The following TRPM1 variants were observed in gnomAD, a reference collection of about 807,000 sequenced individuals.
TRPM1 encodes transient receptor potential cation channel subfamily M member 1, also known as TRPM1-203 APA Isoform, Intron 10.
Under a neutral mutation model 149.4 loss-of-function variants are expected in TRPM1, and 113 were observed. The ratio of observed to expected loss-of-function variants is 0.76; its 90% CI spans 0.65 to 0.88. TRPM1 has a LOEUF of 0.88. Among genes scored for constraint, TRPM1 ranks in the 40% least tolerant of loss-of-function variants. The pLI is 0.00. For missense variants in TRPM1, 1,976 were observed against 2,038.7 expected, an observed-to-expected ratio of 0.97 and a Z score of 0.59; for synonymous variants, 741 against 759.5, an observed-to-expected ratio of 0.98 and a Z score of 0.40.
At chr15:31,028,610 A>G (rs1428477739) in intron 24 of TRPM1, 134 bp from the exon 25 acceptor site, 47 of 1,167,096 alleles carry the variant, frequency 4.0e-5, no homozygotes, top group Non-Finnish European at 5.2e-5. Flanking sequence ...TATTTTTTCC[A>G]TGGGAAAAAA....
chr15:31,098,120 A>G (rs1398234747), intron 1 of TRPM1, among the ~76,000 whole-genome samples: 1 of 152,268 alleles, frequency 6.6e-6, no homozygotes, highest in East Asian at 1.9e-4. Flanking sequence ...TGCTATTTCT[A>G]TTAGGCAGCA....
Position 31,047,470 on chromosome 15 carries a change from A to G in TRPM1, c.1624-219T>C, listed in dbSNP as rs3743234. Among the ~76,000 whole-genome samples the G allele has an allele frequency of 0.48, 73,230 of 152,084 alleles. 19,659 individuals are homozygous for G. Among genetic ancestry groups the G allele is most frequent in the East Asian group, 0.94 (4,877 of 5,174 alleles). ...AAGAACAGCAGCTGCAATCAACAGG[A>G]CACAGAATGACTTGAGGAACCTCCT... On this transcript the variant is annotated intron_variant, in intron 14 of 27. Transcript: ENST00000256552.
rs1455315650 is a variant in TRPM1 at position 31,026,240 on chromosome 15, C to G, written c.3528G>C (p.Arg1176Ser). The change falls in exon 27 of 28, where the codon AGG (arginine) becomes AGC (serine). Residue 1176 changes from arginine to serine, a missense_variant. Coordinates refer to ENST00000256552, the MANE Select transcript of TRPM1 (RefSeq NM_001252024.2). ...KLFLSDEELK[R>S]LHEFEEQCVQ... ...CGCACTGCTCCTCGAACTCATGCAG[C>G]CTCTTTAGCTCCTCGTCGCTAAGGA... 2 of 1,612,090 alleles carry G rather than the reference C, an allele frequency of 1.2e-6. No individual in the cohort carries two copies. Among genetic ancestry groups the G allele is most frequent in the Non-Finnish European group, 1.7e-6 (2 of 1,180,024 alleles).
At chr15:31,080,771 CTT>C (rs1460355823) in intron 2 of TRPM1, among the ~76,000 whole-genome samples, 2 of 151,226 alleles carry the variant, frequency 1.3e-5, no homozygotes, top group Admixed American at 6.6e-5. Context: ...CTTTCCCACA[CTT>C]TCCCTGGCAG....
At chr15:31,059,015 A>G (rs564017943) in intron 11 of TRPM1, among the ~76,000 whole-genome samples, 1 of 152,304 alleles carries the variant, frequency 6.6e-6, no homozygotes, top group South Asian at 2.1e-4. Flanking sequence ...TCCGGGATGC[A>G]GAGGCTGTAG....
chr15:31,063,942 GCTGTCCTAGC>G (rs1393835719), intron 7 of TRPM1, among the ~76,000 whole-genome samples: 3 of 152,036 alleles, frequency 2.0e-5, no homozygotes, highest in Admixed American at 6.5e-5. Context: ...TATCCCCCTG[GCTGTCCTAGC>G]CTATGGTCTG....
chr15:31,052,541 G>A (rs745803803), intron 11 of TRPM1, among the ~76,000 whole-genome samples: 43 of 152,258 alleles, frequency 2.8e-4, no homozygotes, highest in African/African-American at 4.8e-4. Flanking sequence ...TTGGGAGGCC[G>A]AGGCAGATGG....
At chr15:31,093,079 G>C (rs1218167948) in intron 1 of TRPM1, among the ~76,000 whole-genome samples, 2 of 152,046 alleles carry the variant, frequency 1.3e-5, no homozygotes, top group Non-Finnish European at 2.9e-5. Flanking sequence ...TGGCCAACAT[G>C]GTGAAACCCT....
chr15:31,122,546 A>T (rs941761310), intron 1 of TRPM1, among the ~76,000 whole-genome samples: 1 of 152,214 alleles, frequency 6.6e-6, no homozygotes, highest in East Asian at 1.9e-4. Flanking sequence ...AGATATGAAC[A>T]ACTGGAATTT....
intron 8 of TRPM1, 133 bp from the exon 9 acceptor site, chr15:31,062,835 C>T: frequency 9.2e-7 from 1 of 1,086,070 alleles, no homozygotes; most frequent in Non-Finnish European, 1.4e-6. Context: ...AAAAAGTAAC[C>T]ATAGTCAAAC....
Position 31,002,055 on chromosome 15 carries a change from C to G in TRPM1, c.4645G>C (p.Asp1549His), listed in dbSNP as rs117105175. The change falls in exon 28 of 28, where the codon GAC becomes CAC. Residue 1549 changes from aspartate (D) to histidine (H), a missense_variant. This residue lies in a region of TRPM1 where 572 missense variants were observed against 578.9 expected (regional missense o/e 0.99). Coordinates refer to ENST00000256552, the MANE Select transcript of TRPM1 (RefSeq NM_001252024.2). ...RIPRLSLTIT[D>H]RNGMENLLSV... ...AGTAAGTTTTCCATCCCATTTCTGTCAGTAATGGTTAGGGACAAGCGAGGG... is the reference window on the plus strand; with the variant it reads ...AGTAAGTTTTCCATCCCATTTCTGTGAGTAATGGTTAGGGACAAGCGAGGG... 2.7e-4 allele frequency: 437 copies of G among 1,614,206 alleles called. No homozygotes were observed. Among genetic ancestry groups the G allele is most frequent in the Admixed American group, 5.0e-4 (30 of 60,020 alleles).
chr15:31,065,027 C>T (rs754071381), intron 7 of TRPM1: 7 of 534,250 alleles, frequency 1.3e-5, no homozygotes, highest in East Asian at 1.1e-4. Context: ...CTGGAGTCCT[C>T]GAAGCTCCGT....
upstream of TRPM1, among the ~76,000 whole-genome samples, chr15:31,103,082 C>G (rs1261670471): frequency 6.6e-6 from 1 of 152,200 alleles, no homozygotes; most frequent in African/African-American, 2.4e-5. Context: ...AGCTGATGGC[C>G]GGCACTGCCA....
intron 27 of TRPM1, among the ~76,000 whole-genome samples, chr15:31,011,613 A>G (rs1266453609): frequency 6.7e-6 from 1 of 149,474 alleles, no homozygotes; most frequent in East Asian, 1.9e-4. Flanking sequence ...TGCCCTGGGG[A>G]TTATCAGTAA....
chr15:31,066,500 C>T (rs766167257), intron 6 of TRPM1, among the ~76,000 whole-genome samples: 31 of 152,146 alleles, frequency 2.0e-4, no homozygotes, highest in Admixed American at 6.5e-4. Flanking sequence ...CTATGTTAAC[C>T]TCAAATCCTG....
chr15:31,157,539 A>C (rs2036393342), intron 1 of TRPM1, among the ~76,000 whole-genome samples: 1 of 152,168 alleles, frequency 6.6e-6, no homozygotes, highest in African/African-American at 2.4e-5. Flanking sequence ...GCAACAACAA[A>C]AAAAATGTAG....
chr15:31,054,354 G>T (rs754412437), intron 11 of TRPM1, among the ~76,000 whole-genome samples: 1 of 151,760 alleles, frequency 6.6e-6, no homozygotes, highest in South Asian at 2.1e-4. Flanking sequence ...GAGTGCAGTG[G>T]CATGATCTCA....
intron 1 of TRPM1, among the ~76,000 whole-genome samples, chr15:31,145,652 G>T (rs1311224521): frequency 6.6e-6 from 1 of 152,036 alleles, no homozygotes; most frequent in Non-Finnish European, 1.5e-5. Flanking sequence ...ATGTAACAAC[G>T]GAACAGGGAG....
chr15:31,048,218 C>T (rs2033837856), intron 13 of TRPM1, among the ~76,000 whole-genome samples: 1 of 151,938 alleles, frequency 6.6e-6, no homozygotes, highest in South Asian at 2.1e-4. Flanking sequence ...TAAGATTGCA[C>T]CACTATACTC....
Sources: allele counts gnomAD v4.1 joint callset (sites outside exome capture counted in the v4.1 genomes callset), GRCh38; gene constraint gnomAD v4.1.1; regional missense constraint gnomAD v4.1.1; transcripts MANE v1.5; gene names NCBI Gene and HGNC (gene_info 2026-07-23, HGNC 2026-07-21).